Variants in TMOD1 observed in about 807,000 individuals in gnomAD.
The protein encoded by TMOD1 is tropomodulin-1.
In TMOD1, 17 loss-of-function variants were observed where a neutral mutation model predicts 40.6. The ratio of observed to expected loss-of-function variants is 0.42; its 90% confidence interval spans 0.29 to 0.63. TMOD1 has a LOEUF of 0.63. TMOD1 is among the 20% of genes least tolerant of loss of function. The pLI is 0.22. For synonymous variants in TMOD1, 181 were observed against 175.0 expected (o/e 1.03, Z -0.27); for missense variants, 391 against 447.6 (o/e 0.87, Z 1.14).
intron 8 of TMOD1, among the ~76,000 whole-genome samples, chr9:97,577,938 CAG>C (rs1309376531): frequency 2.0e-5 from 3 of 152,142 alleles, no homozygotes. Context: ...AAAAATAAGT[CAG>C]AGAACTGGTT....
At position 97,599,852 on chromosome 9, in the gene TMOD1, T is replaced by G; in HGVS notation, c.*154T>G. ...AAGGTTTTAGGTTGACTAGTGGTTG[T>G]AGTTGAAAATTTTATAAAATACCGT... On this transcript the variant is annotated 3_prime_UTR_variant, in exon 10 of 10. Transcript: ENST00000259365. The G allele has an allele frequency of 7.0e-7, 1 of 1,423,154 alleles. No homozygotes were observed. The highest frequency in any genetic ancestry group is 9.3e-7 in the Non-Finnish European group (1 of 1,080,688). The allele number at this position is 1,423,154 out of a possible 1,614,324, so 88.2% of individuals were successfully genotyped here.
At position 97,562,668 on chromosome 9, in the gene TMOD1, T is replaced by C. The variant is rs749881242; in HGVS notation, c.398-64T>C. Reference sequence around the variant, plus strand: ...GCCAGAGTTCCCGGGGTTTGGAGTGTGGGTCCCTAGGAGGCTCTTCTGTCT... The same window carrying C: ...GCCAGAGTTCCCGGGGTTTGGAGTGCGGGTCCCTAGGAGGCTCTTCTGTCT... On this transcript the variant is annotated intron_variant, in intron 4 of 9. Coordinates refer to ENST00000259365, the MANE Select transcript of TMOD1 (RefSeq NM_003275.4). 636 of 1,251,316 alleles carry C rather than the reference T, an allele frequency of 5.1e-4. 1 individual carries two copies. The highest frequency in any genetic ancestry group is 6.8e-4 in the Non-Finnish European group (624 of 920,596). 77.5% of individuals were successfully genotyped at this position (1,251,316 alleles called of 1,614,324 possible). A position where few individuals can be genotyped will look rare whatever the true frequency, so the allele number is the denominator to read the frequency against.
chr9:97,519,440 A>C (rs369457357), intron 1 of TMOD1, among the ~76,000 whole-genome samples: 1 of 152,106 alleles, frequency 6.6e-6, no homozygotes. Flanking sequence ...AGGTGTTTTA[A>C]ATATATTTAC....
At chr9:97,559,819 ATATATGTCTATCTATCTATCTATC>A (rs1218499288) in intron 4 of TMOD1, among the ~76,000 whole-genome samples, 4 of 41,336 alleles carry the variant, frequency 9.7e-5, no homozygotes, top group Non-Finnish European at 1.9e-4. Flanking sequence ...ATATATATAT[ATATATGTCTATCTATCTATCTATC>A]TATCTATCTC....
At chr9:97,545,657 T>C (rs144868467) in intron 2 of TMOD1, among the ~76,000 whole-genome samples, 110 of 152,226 alleles carry the variant, frequency 7.2e-4, no homozygotes, top group African/African-American at 2.6e-3. Flanking sequence ...CTCGCTGCTT[T>C]CCTGGGCCTT....
intron 2 of TMOD1, among the ~76,000 whole-genome samples, chr9:97,527,189 T>C (rs1033831921): frequency 6.6e-6 from 1 of 152,222 alleles, no homozygotes; most frequent in African/African-American, 2.4e-5. Flanking sequence ...ATTATTCTGT[T>C]CTAATTCTAT....
Position 97,600,689 on chromosome 9 carries a change from T to A in TMOD1, c.*991T>A. 1.0e-6 allele frequency: 1 copy of A among 1,001,724 alleles called. No individual in the cohort carries two copies. The highest frequency in any genetic ancestry group is 1.2e-6 in the Non-Finnish European group (1 of 839,944). 62.1% of individuals were successfully genotyped at this position (1,001,724 alleles called of 1,614,324 possible). On this transcript the variant is annotated 3_prime_UTR_variant, in exon 10 of 10. Coordinates refer to ENST00000259365, the MANE Select transcript of TMOD1 (RefSeq NM_003275.4). ...TGCTGCTGACCTTACGCCTGTATATTAAGCCTCCGCAGGATGCCGGACAAT... is the reference window on the plus strand; with the variant it reads ...TGCTGCTGACCTTACGCCTGTATATAAAGCCTCCGCAGGATGCCGGACAAT...
At chr9:97,566,326 A>G (rs1001803855) in intron 7 of TMOD1, among the ~76,000 whole-genome samples, 2 of 152,220 alleles carry the variant, frequency 1.3e-5, no homozygotes, top group African/African-American at 4.8e-5. Flanking sequence ...GGCACATCAT[A>G]TTAGAACAAG....
At chr9:97,567,274 A>C (rs1830742364) in intron 7 of TMOD1, among the ~76,000 whole-genome samples, 1 of 152,218 alleles carries the variant, frequency 6.6e-6, no homozygotes, top group African/African-American at 2.4e-5. Context: ...AAGCACATCC[A>C]TTCTGGCCCT....
At chr9:97,599,173 G>A (rs1278939766) in intron 9 of TMOD1, among the ~76,000 whole-genome samples, 6 of 150,318 alleles carry the variant, frequency 4.0e-5, no homozygotes, top group Admixed American at 1.3e-4. Context: ...TACAGATACT[G>A]CAGGGTAATC....
At chr9:97,524,537 T>TGTGTGTGTGTGTGTGTGTGTGTG (rs1564231775) in intron 2 of TMOD1, among the ~76,000 whole-genome samples, 1 of 146,838 alleles carries the variant, frequency 6.8e-6, no homozygotes, top group African/African-American at 2.5e-5. Flanking sequence ...TGTGTGTGTG[T>TGTGTGTGTGTGTGTGTGTGTGTG]CGAGACAGAG....
chr9:97,581,441 G>A (rs1262873534), intron 8 of TMOD1, among the ~76,000 whole-genome samples: 1 of 151,960 alleles, frequency 6.6e-6, no homozygotes, highest in East Asian at 1.9e-4. Flanking sequence ...TGTGAATAAT[G>A]CCGCAATAAA....
At position 97,601,740 on chromosome 9, in the gene TMOD1, T is replaced by TG; in HGVS notation, c.*2043dup. On this transcript the variant is annotated 3_prime_UTR_variant, in exon 10 of 10. Transcript: ENST00000259365. ...TTCAATAAACTATACAGTTGACCCT[T>TG]GAACAATATGGGTTTGAACTGCATG... 1 of 236,618 alleles carries TG rather than the reference T, an allele frequency of 4.2e-6. No individual in the cohort carries two copies. The highest frequency in any genetic ancestry group is 6.9e-6 in the Non-Finnish European group (1 of 145,214). The allele number at this position is 236,618 out of a possible 1,614,324, so 14.7% of individuals were successfully genotyped here.
At chr9:97,524,367 G>T in intron 2 of TMOD1, 59 bp downstream of exon 2, 4 of 1,573,844 alleles carry the variant, frequency 2.5e-6, no homozygotes, top group Non-Finnish European at 3.4e-6. Context: ...GGGAGGGACA[G>T]GTGGATGCTT....
At chr9:97,503,770 T>C (rs1039704498) in intron 1 of TMOD1, among the ~76,000 whole-genome samples, 1 of 152,184 alleles carries the variant, frequency 6.6e-6, no homozygotes, top group Non-Finnish European at 1.5e-5. Context: ...TGGACTGGCC[T>C]GGAGGTTAGG....
At chr9:97,521,957 C>T (rs1378282813) in intron 1 of TMOD1, among the ~76,000 whole-genome samples, 7 of 152,148 alleles carry the variant, frequency 4.6e-5, no homozygotes, top group African/African-American at 1.4e-4. Flanking sequence ...GGTTTTGGAT[C>T]GATTGGTTGA....
At position 97,564,024 on chromosome 9, in the gene TMOD1, A is replaced by G. The variant is rs112055717; in HGVS notation, c.488-14A>G. ...TGTTTCTGTGAGCCACCTCCCTTTC[A>G]TCGGTCACTCTAGGCGTGATTAAAC... On this transcript the variant is annotated splice_polypyrimidine_tract_variant and intron_variant, in intron 5 of 9. Coordinates refer to ENST00000259365, the MANE Select transcript of TMOD1 (RefSeq NM_003275.4). The G allele has an allele frequency of 6.1e-5, 97 of 1,600,994 alleles. No individual in the cohort carries two copies. The highest frequency in any genetic ancestry group is 3.5e-4 in the African/African-American group (26 of 74,110).
chr9:97,524,322 A>G lies in TMOD1; in HGVS notation c.120+14A>G. The G allele has an allele frequency of 6.2e-7, 1 of 1,612,528 alleles. No individual in the cohort carries two copies. Among genetic ancestry groups the G allele is most frequent in the South Asian group, 1.1e-5 (1 of 90,758 alleles). The stretch of plus-strand genomic sequence containing the variant: ...CTGGACCCTGATGTGAGTAGGTGCT[A>G]AAGGGAAGCACATTGTCACTAGCGA... On this transcript the variant is annotated intron_variant, in intron 2 of 9. Coordinates refer to ENST00000259365, the MANE Select transcript of TMOD1 (RefSeq NM_003275.4).
chr9:97,551,385 G>T (rs118035925), intron 3 of TMOD1, among the ~76,000 whole-genome samples: 2 of 152,048 alleles, frequency 1.3e-5, no homozygotes, highest in Non-Finnish European at 2.9e-5. Context: ...TTTACATATG[G>T]TGTGAAATAG....
Sources: allele counts gnomAD v4.1 joint callset (sites outside exome capture counted in the v4.1 genomes callset), GRCh38; gene constraint gnomAD v4.1.1; transcripts MANE v1.5; gene names NCBI Gene and HGNC (gene_info 2026-07-23, HGNC 2026-07-21).